Variants in ADCY2 observed in about 807,000 individuals in gnomAD.
ADCY2 encodes the protein adenylate cyclase type 2.
A neutral mutation model predicts 125.2 loss-of-function variants in ADCY2; 31 were observed. That is an observed-to-expected ratio of 0.25 (90% confidence interval 0.19 to 0.33). ADCY2 has a LOEUF of 0.33. Ranked by LOEUF, ADCY2 falls within the 10% of genes least tolerant of loss-of-function variation. The pLI is 1.00. For synonymous variants in ADCY2, 512 were observed against 548.4 expected, an observed-to-expected ratio of 0.93 and a Z score of 0.93; for missense variants, 904 against 1,418.2, an observed-to-expected ratio of 0.64 and a Z score of 5.82.
chr5:7,611,327 G>A (rs1299369066), intron 3 of ADCY2, among the ~76,000 whole-genome samples: 1 of 152,106 alleles, frequency 6.6e-6, no homozygotes, highest in Non-Finnish European at 1.5e-5. Flanking sequence ...ATTTGTTAAA[G>A]TTCATTTTAT....
intron 18 of ADCY2, among the ~76,000 whole-genome samples, chr5:7,781,946 A>T (rs1238111993): frequency 6.6e-6 from 1 of 152,184 alleles, no homozygotes; most frequent in African/African-American, 2.4e-5. Context: ...CACAAGAGAG[A>T]AGTCCTTCAG....
intron 14 of ADCY2, 80 bp from the exon 15 acceptor site, chr5:7,743,588 A>G: frequency 7.5e-7 from 1 of 1,334,058 alleles, no homozygotes; most frequent in Non-Finnish European, 1.1e-6. Flanking sequence ...GTCCTCGTTA[A>G]CCCAAAAGTA....
chr5:7,538,728 G>T (rs1051892574), intron 3 of ADCY2, among the ~76,000 whole-genome samples: 10 of 152,002 alleles, frequency 6.6e-5, no homozygotes, highest in African/African-American at 2.4e-4. Context: ...ATGTCAATTA[G>T]ATCAACAGTT....
At chr5:7,449,731 A>T (rs1482131644) in intron 2 of ADCY2, among the ~76,000 whole-genome samples, 1 of 152,122 alleles carries the variant, frequency 6.6e-6, no homozygotes, top group Non-Finnish European at 1.5e-5. Context: ...CAGATACTGA[A>T]TTTTTTACAA....
chr5:7,454,113 G>T (rs138872408), intron 2 of ADCY2, among the ~76,000 whole-genome samples: 2,474 of 152,196 alleles, frequency 0.016, 75 homozygotes, highest in African/African-American at 0.057. Flanking sequence ...TGGGTGGGGG[G>T]TGCCCTCTCC....
intron 17 of ADCY2, among the ~76,000 whole-genome samples, chr5:7,768,726 A>G (rs182760756): frequency 6.6e-6 from 1 of 152,292 alleles, no homozygotes; most frequent in African/African-American, 2.4e-5. Context: ...CATTTACTCA[A>G]CCTTTAAAGA....
chr5:7,829,295 T>G lies in ADCY2; in HGVS notation c.*2424T>G, dbSNP rs915527116. On this transcript the variant is annotated 3_prime_UTR_variant, in exon 25 of 25. Transcript: ENST00000338316. ...TGATCAAGCTTCAGACCTCCCTCCC[T>G]CCCCAGTGTTTTTGCAGGTGAGGAA... The G allele has an allele frequency of 6.6e-6, 1 of 152,604 alleles. No individual in the cohort carries two copies. The highest frequency in any genetic ancestry group is 1.5e-5 in the Non-Finnish European group (1 of 68,076). The allele number at this position is 152,604 out of a possible 1,614,324, so 9.5% of individuals were successfully genotyped here.
In ADCY2 at chr5:7,829,575, A is replaced by T. The variant is rs1011268400; in HGVS notation, c.*2704A>T. On this transcript the variant is annotated 3_prime_UTR_variant, in exon 25 of 25. Transcript: ENST00000338316. ...AAGAAAAAAAAAAAATCTCTCCCCA[A>T]TGCTCTCCTTAACCTTTAAGTCTTA... The T allele has an allele frequency of 6.6e-6, 1 of 152,138 alleles. No individual in the cohort carries two copies. The highest frequency in any genetic ancestry group is 2.1e-4 in the South Asian group (1 of 4,810). 9.4% of individuals were successfully genotyped at this position (152,138 alleles called of 1,614,324 possible).
intron 11 of ADCY2, among the ~76,000 whole-genome samples, chr5:7,714,626 G>T (rs565230044): frequency 3.3e-5 from 5 of 152,210 alleles, no homozygotes; most frequent in Non-Finnish European, 7.3e-5. Context: ...CTCTGTGACC[G>T]CAGAGCACAA....
Position 7,557,135 on chromosome 5 carries a change from T to TTATATATATA in ADCY2, c.570+36241_570+36250dup, listed in dbSNP as rs60652060. On this transcript the variant is annotated intron_variant, in intron 3 of 24. Transcript: ENST00000338316. The stretch of plus-strand genomic sequence containing the variant: ...CTATAAATCATGAAGCAAAAACAGT[T>TTATATATATA]TATATATATATATAAACTTTATAGA... 8.5e-3 allele frequency among the ~76,000 whole-genome samples: 659 copies of TTATATATATA among 77,536 alleles called. 9 individuals carry two copies. Among genetic ancestry groups the TTATATATATA allele is most frequent in the African/African-American group, 0.021 (627 of 29,334 alleles). 50.9% of individuals were successfully genotyped at this position (77,536 alleles called of 152,430 possible). A position where few individuals can be genotyped will look rare whatever the true frequency, so the allele number is the denominator to read the frequency against.
chr5:7,691,633 T>A (rs1474875083), intron 5 of ADCY2: 1 of 152,330 alleles, frequency 6.6e-6, no homozygotes, highest in African/African-American at 2.4e-5. Context: ...ACCCAGACCG[T>A]CTCGATTTCT....
intron 2 of ADCY2, among the ~76,000 whole-genome samples, chr5:7,500,941 A>C (rs1396047319): frequency 6.6e-6 from 1 of 152,104 alleles, no homozygotes; most frequent in Non-Finnish European, 1.5e-5. Flanking sequence ...AATGATCAAC[A>C]CAAGCTTCAT....
At chr5:7,793,370 C>A (rs2388806) in intron 20 of ADCY2, among the ~76,000 whole-genome samples, 49 of 152,230 alleles carry the variant, frequency 3.2e-4, no homozygotes, top group African/African-American at 1.0e-3. Context: ...AGAATCGCAC[C>A]AACCCAGGAG....
chr5:7,437,252 C>G (rs1371385891), intron 2 of ADCY2, among the ~76,000 whole-genome samples: 1 of 152,216 alleles, frequency 6.6e-6, no homozygotes, highest in Non-Finnish European at 1.5e-5. Flanking sequence ...CCTCAAGCTA[C>G]TACAGAGCTA....
chr5:7,741,992 T>G (rs1192978205), intron 14 of ADCY2, among the ~76,000 whole-genome samples: 4 of 151,516 alleles, frequency 2.6e-5, no homozygotes, highest in Non-Finnish European at 5.9e-5. Context: ...TTATCAAACC[T>G]CCAAGAAGAT....
chr5:7,607,876 A>G (rs1302440955), intron 3 of ADCY2, among the ~76,000 whole-genome samples: 1 of 151,204 alleles, frequency 6.6e-6, no homozygotes, highest in Non-Finnish European at 1.5e-5. Context: ...ATAAATTGGT[A>G]TTAAATTTGG....
chr5:7,632,866 C>T (rs925569097), intron 4 of ADCY2, among the ~76,000 whole-genome samples: 1 of 152,144 alleles, frequency 6.6e-6, no homozygotes, highest in Non-Finnish European at 1.5e-5. Flanking sequence ...TAAATCAAGT[C>T]TGCAGTATTT....
chr5:7,785,563 T>G (rs1374072657), intron 19 of ADCY2, among the ~76,000 whole-genome samples: 1 of 151,696 alleles, frequency 6.6e-6, no homozygotes, highest in Non-Finnish European at 1.5e-5. Flanking sequence ...TCTTTTTCCC[T>G]GGTTTCTCCT....
At position 7,407,770 on chromosome 5, in the gene ADCY2, G is replaced by A. The variant is rs985069679; in HGVS notation, c.211-6803G>A. On this transcript the variant is annotated intron_variant, in intron 1 of 24. Coordinates refer to ENST00000338316, the MANE Select transcript of ADCY2 (RefSeq NM_020546.3). Reference sequence around the variant, plus strand: ...TGTGCAGAAGCCGGCCTGGGACCCCGTGAGTGTCCATCGTCATGTCTGACC... The same window carrying A: ...TGTGCAGAAGCCGGCCTGGGACCCCATGAGTGTCCATCGTCATGTCTGACC... Among the ~76,000 whole-genome samples the A allele has an allele frequency of 4.6e-5, 7 of 151,986 alleles. No homozygotes were observed. In the East Asian group the frequency reaches 1.4e-3, roughly 29 times the overall value.
Sources: gnomAD v4.1 joint callset for allele counts (sites outside exome capture counted in the v4.1 genomes callset) on GRCh38, gnomAD v4.1.1 for gene constraint, MANE v1.5 for transcripts, NCBI Gene and HGNC (gene_info 2026-07-23, HGNC 2026-07-21) for gene names.